The following FNIP2 variants were observed in gnomAD, a reference collection of about 807,000 sequenced individuals.
The protein encoded by FNIP2 is folliculin-interacting protein 2.
A neutral mutation model predicts 108.7 loss-of-function variants in FNIP2; 32 were observed. That is an observed-to-expected ratio of 0.29 (90% CI 0.22 to 0.40). The LOEUF (loss-of-function observed/expected upper bound fraction) is 0.40. Among genes scored for constraint, FNIP2 ranks in the 10% least tolerant of loss-of-function variants. The pLI, the probability that FNIP2 is intolerant of heterozygous loss-of-function variation, is 1.00. For missense variants in FNIP2, 1,202 were observed against 1,381.6 expected, an observed-to-expected ratio of 0.87 and a Z score of 2.06; for synonymous variants, 480 against 496.7, an observed-to-expected ratio of 0.97 and a Z score of 0.45.
intron 1 of FNIP2, among the ~76,000 whole-genome samples, chr4:158,781,986 A>G (rs1292117115): frequency 6.6e-6 from 1 of 152,090 alleles, no homozygotes; most frequent in Non-Finnish European, 1.5e-5. Flanking sequence ...CAATCCTACT[A>G]CACAGTGTTT....
chr4:158,864,771 T>C (rs2126689895), intron 12 of FNIP2, among the ~76,000 whole-genome samples: 1 of 152,234 alleles, frequency 6.6e-6, no homozygotes, highest in Admixed American at 6.5e-5. Flanking sequence ...TGTTTTCTTT[T>C]TCTCTACATG....
At chr4:158,859,407 T>A in intron 9 of FNIP2, 149 bp downstream of exon 9, 1 of 1,070,242 alleles carries the variant, frequency 9.3e-7, no homozygotes, top group South Asian at 1.7e-5. Context: ...TGATGTTAGT[T>A]ACCAGATACT....
At chr4:158,789,478 C>T (rs1168812098) in intron 1 of FNIP2, among the ~76,000 whole-genome samples, 1 of 152,128 alleles carries the variant, frequency 6.6e-6, no homozygotes, top group Non-Finnish European at 1.5e-5. Flanking sequence ...CTCTGACTGC[C>T]CTTTATAATG....
intron 1 of FNIP2, among the ~76,000 whole-genome samples, chr4:158,771,832 C>G (rs963066149): frequency 6.6e-6 from 1 of 152,152 alleles, no homozygotes; most frequent in Non-Finnish European, 1.5e-5. Context: ...AACTTCTCTT[C>G]TCAGAATTGT....
Position 158,769,270 on chromosome 4 carries a change from G to A in FNIP2, c.58G>A (p.Ala20Thr), listed in dbSNP as rs761245505. The A allele has an allele frequency of 4.5e-6, 7 of 1,540,998 alleles. No homozygotes were observed. The highest frequency in any genetic ancestry group is 6.1e-6 in the Non-Finnish European group (7 of 1,147,952). ...FNKRGSSGSS[A>T]AASAQGRAPK... ...CAAAAGGGGCAGCAGCGGCAGCTCC[G>A]CGGCGGCGTCTGCCCAGGGCAGGGC... The change falls in exon 1 of 17, where the codon GCG becomes ACG. Residue 20 changes from alanine (A) to threonine (T), a missense_variant. Physicochemically the swap from Ala to Thr is moderately conservative, Grantham distance 58. Coordinates refer to ENST00000264433, the MANE Select transcript of FNIP2 (RefSeq NM_020840.3).
At chr4:158,885,390 A>C (rs1251293543) in intron 14 of FNIP2, among the ~76,000 whole-genome samples, 1 of 152,190 alleles carries the variant, frequency 6.6e-6, no homozygotes, top group Non-Finnish European at 1.5e-5. Context: ...GTGTGGAAGA[A>C]AGAACAGTTT....
At chr4:158,871,037 CAT>C (rs1231007218) in intron 14 of FNIP2, among the ~76,000 whole-genome samples, 1 of 152,202 alleles carries the variant, frequency 6.6e-6, no homozygotes, top group Non-Finnish European at 1.5e-5. Context: ...AGAGGTGTCA[CAT>C]GTGGTTTGTT....
At chr4:158,891,221 C>T (rs1439160132) in intron 14 of FNIP2, among the ~76,000 whole-genome samples, 2 of 135,856 alleles carry the variant, frequency 1.5e-5, no homozygotes, top group Admixed American at 7.8e-5. Flanking sequence ...AGCAGTTACA[C>T]TTTGATTTGT....
chr4:158,856,621 A>G (rs754496241), intron 8 of FNIP2, among the ~76,000 whole-genome samples: 1 of 152,208 alleles, frequency 6.6e-6, no homozygotes, highest in Admixed American at 6.5e-5. Flanking sequence ...CAGATTAGGC[A>G]TGGGGTCAGA....
chr4:158,783,297 T>G (rs1776113293), intron 1 of FNIP2, among the ~76,000 whole-genome samples: 1 of 152,224 alleles, frequency 6.6e-6, no homozygotes, highest in African/African-American at 2.4e-5. Flanking sequence ...AGCATTGCCA[T>G]AGTGTTTTAG....
chr4:158,889,825 A>G, intron 14 of FNIP2: 1 of 984,380 alleles, frequency 1.0e-6, no homozygotes, highest in South Asian at 4.7e-5. Context: ...TTTTTCCATA[A>G]GGACCAGACT....
At chr4:158,778,767 C>A (rs1022833119) in intron 1 of FNIP2, among the ~76,000 whole-genome samples, 1 of 152,202 alleles carries the variant, frequency 6.6e-6, no homozygotes, top group African/African-American at 2.4e-5. Context: ...TGAAAGGTAT[C>A]GCCTGTGGAT....
At chr4:158,883,222 TTG>T (rs898886063) in intron 14 of FNIP2, among the ~76,000 whole-genome samples, 1 of 150,946 alleles carries the variant, frequency 6.6e-6, no homozygotes, top group African/African-American at 2.4e-5. Context: ...CCTGTTCCCT[TTG>T]TGTGTGTGTG....
chr4:158,795,648 C>G (rs1776561764), intron 1 of FNIP2, among the ~76,000 whole-genome samples: 1 of 152,198 alleles, frequency 6.6e-6, no homozygotes, highest in African/African-American at 2.4e-5. Context: ...GTCCCCAACT[C>G]CTAAGCCACA....
At chr4:158,855,934 G>A (rs1402759282) in intron 8 of FNIP2, among the ~76,000 whole-genome samples, 5 of 152,180 alleles carry the variant, frequency 3.3e-5, no homozygotes, top group African/African-American at 9.7e-5. Flanking sequence ...AGGTAGCAGG[G>A]ATGATAGTCA....
At chr4:158,864,694 G>A (rs1780482613) in intron 12 of FNIP2, among the ~76,000 whole-genome samples, 1 of 151,496 alleles carries the variant, frequency 6.6e-6, no homozygotes, top group African/African-American at 2.4e-5. Flanking sequence ...CCTCTTTCTA[G>A]TTTCCAACTT....
At chr4:158,855,816 G>A (rs1216986873) in intron 8 of FNIP2, among the ~76,000 whole-genome samples, 1 of 152,158 alleles carries the variant, frequency 6.6e-6, no homozygotes, top group African/African-American at 2.4e-5. Flanking sequence ...GGGAAAATTA[G>A]TTTTTTATGC....
intron 15 of FNIP2, chr4:158,893,653 G>A (rs764815657): frequency 4.6e-6 from 7 of 1,529,604 alleles, no homozygotes; most frequent in Middle Eastern, 1.7e-4. Context: ...TTATACAGTA[G>A]TAGGCAGTTT....
Position 158,868,708 on chromosome 4 carries a change from C to G in FNIP2, c.2072C>G (p.Pro691Arg). 6.8e-6 allele frequency: 11 copies of G among 1,614,006 alleles called. No homozygotes were observed. Among genetic ancestry groups the G allele is most frequent in the Non-Finnish European group, 9.3e-6 (11 of 1,179,890 alleles). Reference sequence around the variant, plus strand: ...TGTGAGCTGTTGAAAGTGGAGATGCCTACAAGACTGCCAGACCGGTCAGTG... The same window carrying G: ...TGTGAGCTGTTGAAAGTGGAGATGCGTACAAGACTGCCAGACCGGTCAGTG... The part of the protein sequence containing the change: ...AVCELLKVEM[P>R]TRLPDRSVAW... The change falls in exon 13 of 17, where the codon CCT becomes CGT. Residue 691 changes from proline to arginine, a missense_variant. Coordinates refer to ENST00000264433, the MANE Select transcript of FNIP2 (RefSeq NM_020840.3). The surrounding 1 kb of genome is among the most constrained non-coding windows in gnomAD (Gnocchi z 4.6).
Sources: allele counts gnomAD v4.1 joint callset (sites outside exome capture counted in the v4.1 genomes callset), GRCh38; gene constraint gnomAD v4.1.1; non-coding constraint Gnocchi (gnomAD v3.1); transcripts MANE v1.5; gene names NCBI Gene and HGNC (gene_info 2026-07-23, HGNC 2026-07-21).